The following FOXP2 variants were observed in gnomAD, a reference collection of about 807,000 sequenced individuals.
The protein encoded by FOXP2 is forkhead box P2, also known as forkhead box protein P2.
FOXP2 carries 12 observed loss-of-function variants against 115.8 expected under a neutral mutation model. That is an observed-to-expected ratio of 0.10 (90% confidence interval 0.07 to 0.17). The LOEUF (loss-of-function observed/expected upper bound fraction) is 0.17, where lower values mean the gene tolerates loss of function less well. Ranked by LOEUF, FOXP2 falls within the 10% of genes least tolerant of loss-of-function variation. FOXP2 has a pLI of 1.00. For synonymous variants in FOXP2, 328 were observed against 297.7 expected, an observed-to-expected ratio of 1.10 and a Z score of -1.05; for missense variants, 629 against 843.5, an observed-to-expected ratio of 0.75 and a Z score of 3.15.
At chr7:114,587,055 A>AT (rs1469530230) in intron 3 of FOXP2, among the ~76,000 whole-genome samples, 6 of 144,112 alleles carry the variant, frequency 4.2e-5, no homozygotes, top group African/African-American at 1.6e-4. Flanking sequence ...TTTATGTGCT[A>AT]TTTCTTTTTT....
At chr7:114,105,411 T>C (rs927097445) in intron 1 of FOXP2, among the ~76,000 whole-genome samples, 7 of 152,074 alleles carry the variant, frequency 4.6e-5, no homozygotes, top group Admixed American at 3.9e-4. Flanking sequence ...ACGTTTTCCA[T>C]AGAAAAAGAA....
intron 1 of FOXP2, among the ~76,000 whole-genome samples, chr7:114,235,993 A>G (rs1449521493): frequency 6.6e-6 from 1 of 152,192 alleles, no homozygotes; most frequent in Non-Finnish European, 1.5e-5. Flanking sequence ...TATTTTTGAC[A>G]GTTACTTCCC....
At chr7:114,218,567 C>T (rs1165119346) in intron 1 of FOXP2, among the ~76,000 whole-genome samples, 1 of 152,020 alleles carries the variant, frequency 6.6e-6, no homozygotes, top group Non-Finnish European at 1.5e-5. Flanking sequence ...GAAAGCTCAT[C>T]AAGAAAGCCA....
rs182771412 is a variant in FOXP2, at chr7:114,591,512, G to C, written c.259-37028G>C. ...GTGAATTATGTTCAGTTATATGTCA[G>C]ATGGAAGCTATATAGCTTCCATTTT... On this transcript the variant is annotated intron_variant, in intron 3 of 16. Transcript: ENST00000350908. Among the ~76,000 whole-genome samples, 227 of 152,092 alleles carry C rather than the reference G, an allele frequency of 1.5e-3. 2 individuals are homozygous for C. Among genetic ancestry groups the C allele is most frequent in the Non-Finnish European group, 7.2e-4 (49 of 67,946 alleles).
chr7:114,311,114 C>T (rs1880331), intron 2 of FOXP2, among the ~76,000 whole-genome samples: 3 of 151,784 alleles, frequency 2.0e-5, no homozygotes, highest in Non-Finnish European at 4.4e-5. Context: ...CTTTCCCTGG[C>T]GCTGGCTGTG....
intron 1 of FOXP2, among the ~76,000 whole-genome samples, chr7:114,415,616 C>T (rs1042693041): frequency 6.6e-6 from 1 of 151,566 alleles, no homozygotes; most frequent in Non-Finnish European, 1.5e-5. Context: ...ATAAAGAAGG[C>T]CTCTTTTGTA....
intron 2 of FOXP2, among the ~76,000 whole-genome samples, chr7:114,294,765 C>T (rs928317883): frequency 2.0e-5 from 3 of 151,852 alleles, no homozygotes; most frequent in East Asian, 3.9e-4. Context: ...CACTTGAACC[C>T]GGGAGGCGGA....
chr7:114,401,038 A>G (rs1034783718), intron 2 of FOXP2, among the ~76,000 whole-genome samples: 2 of 152,126 alleles, frequency 1.3e-5, no homozygotes, highest in Admixed American at 6.5e-5. Context: ...TGCTGTACAT[A>G]GGCCAGGGTG....
intron 3 of FOXP2, among the ~76,000 whole-genome samples, chr7:114,622,615 A>G (rs1371386299): frequency 6.6e-6 from 1 of 151,944 alleles, no homozygotes; most frequent in Non-Finnish European, 1.5e-5. Flanking sequence ...CCATCAATCT[A>G]TGAGAGTGCC....
intron 2 of FOXP2, among the ~76,000 whole-genome samples, chr7:114,526,713 C>T (rs940328151): frequency 1.3e-5 from 2 of 152,058 alleles, no homozygotes; most frequent in Non-Finnish European, 2.9e-5. Flanking sequence ...CAAATCTTGA[C>T]CTTTTTGAGT....
rs1200257505 is a variant in FOXP2, at chr7:114,486,897, A to T, written c.169-47720A>T. 3.3e-5 allele frequency among the ~76,000 whole-genome samples: 5 copies of T among 152,258 alleles called. No individual in the cohort carries two copies. In the East Asian group the frequency reaches 9.7e-4, roughly 30 times the overall value. ...TGTGGCTTTGCAGGGTACAGCCCCCATCCTGGCTGCTTTCACAGACTGGCA... is the reference window on the plus strand; with the variant it reads ...TGTGGCTTTGCAGGGTACAGCCCCCTTCCTGGCTGCTTTCACAGACTGGCA... On this transcript the variant is annotated intron_variant, in intron 2 of 16. Transcript: ENST00000350908.
intron 3 of FOXP2, among the ~76,000 whole-genome samples, chr7:114,607,135 CTAGTATCTGTTTATT>C (rs1212857729): frequency 6.6e-6 from 1 of 152,068 alleles, no homozygotes; most frequent in African/African-American, 2.4e-5. Context: ...TATAACTGGG[CTAGTATCTGTTTATT>C]TTATAAGGCC....
chr7:114,283,496 T>A (rs1437822195), intron 1 of FOXP2, among the ~76,000 whole-genome samples: 1 of 152,164 alleles, frequency 6.6e-6, no homozygotes, highest in African/African-American at 2.4e-5. Context: ...GTTTTCCTTT[T>A]CATTTAGAAA....
intron 1 of FOXP2, among the ~76,000 whole-genome samples, chr7:114,195,941 A>G (rs904952997): frequency 6.6e-6 from 1 of 152,112 alleles, no homozygotes; most frequent in Admixed American, 6.6e-5. Flanking sequence ...ACACAGTGAG[A>G]CCTCATCTCC....
chr7:114,166,083 C>T (rs1401704049), intron 1 of FOXP2, among the ~76,000 whole-genome samples: 3 of 152,026 alleles, frequency 2.0e-5, no homozygotes, highest in Non-Finnish European at 4.4e-5. Context: ...TCTAGACGAC[C>T]TTATACCTTT....
intron 2 of FOXP2, among the ~76,000 whole-genome samples, chr7:114,298,779 C>T (rs1366995482): frequency 6.6e-6 from 1 of 152,092 alleles, no homozygotes; most frequent in African/African-American, 2.4e-5. Context: ...TGTATTTAAG[C>T]ATAAAAAGGT....
At chr7:114,243,731 T>C (rs1795209000) in intron 1 of FOXP2, among the ~76,000 whole-genome samples, 1 of 152,158 alleles carries the variant, frequency 6.6e-6, no homozygotes, top group Non-Finnish European at 1.5e-5. Context: ...TCTGATTTTC[T>C]TGGAAATTTC....
chr7:114,626,361 T>C (rs1244850327), intron 3 of FOXP2, among the ~76,000 whole-genome samples: 1 of 151,858 alleles, frequency 6.6e-6, no homozygotes, highest in Non-Finnish European at 1.5e-5. Context: ...CCTCCATTCA[T>C]AGAACTTTCC....
At chr7:114,315,781 A>G (rs1314284671) in intron 2 of FOXP2, among the ~76,000 whole-genome samples, 2 of 152,168 alleles carry the variant, frequency 1.3e-5, no homozygotes, top group Non-Finnish European at 2.9e-5. Context: ...CCTGGTCAGA[A>G]CATTTCCATC....
Sources: gnomAD v4.1 joint callset for allele counts (sites outside exome capture counted in the v4.1 genomes callset) on GRCh38, gnomAD v4.1.1 for gene constraint, MANE v1.5 for transcripts, NCBI Gene and HGNC (gene_info 2026-07-23, HGNC 2026-07-21) for gene names.